The following RNLS variants were observed in gnomAD, a reference collection of about 807,000 sequenced individuals.
RNLS encodes renalase.
A neutral mutation model predicts 39.8 loss-of-function variants in RNLS; 39 were observed. The observed-to-expected ratio is 0.98, with a 90% CI of 0.76 to 1.28. The LOEUF is 1.28. RNLS is among the 50% of genes most tolerant of loss of function. The pLI is 0.00. For missense variants in RNLS, 410 were observed against 413.3 expected (o/e 0.99, Z 0.07); for synonymous variants, 147 against 150.7 (o/e 0.98, Z 0.18).
chr10:88,463,671 T>C lies in RNLS; in HGVS notation c.527-100946A>G, dbSNP rs187734022. Among the ~76,000 whole-genome samples the C allele has an allele frequency of 2.6e-3, 403 of 152,208 alleles. 1 individual carries two copies. The highest frequency in any genetic ancestry group is 8.7e-3 in the African/African-American group (362 of 41,564). Reference sequence around the variant, plus strand: ...CAGTTAATTGAGAGATTGCTACTCATTTCTAAGTTTATGTAGTAACTCAGG... The same window carrying C: ...CAGTTAATTGAGAGATTGCTACTCACTTCTAAGTTTATGTAGTAACTCAGG... On this transcript the variant is annotated intron_variant, in intron 4 of 6. Coordinates refer to ENST00000331772, the MANE Select transcript of RNLS (RefSeq NM_001031709.3).
chr10:88,497,810 G>C lies in RNLS; in HGVS notation c.526+75093C>G, dbSNP rs1453180948. 2.0e-5 allele frequency among the ~76,000 whole-genome samples: 3 copies of C among 151,968 alleles called. No individual in the cohort carries two copies. In the East Asian group the frequency reaches 5.8e-4, roughly 29 times the overall value. On this transcript the variant is annotated intron_variant, in intron 4 of 6. Transcript: ENST00000331772. ...CCTGTCCAAAGGGAAGGTGTGAGGA[G>C]GAAGAGACACAACAACACCTGGTCT...
chr10:88,174,092 T>C, the RNLS span, among the ~76,000 whole-genome samples: 1 of 152,196 alleles, frequency 6.6e-6, no homozygotes, highest in Admixed American at 6.5e-5. Context: ...TTTTTGTAAG[T>C]TGATTTTGTA....
At chr10:88,377,940 T>A (rs953452510) in intron 4 of RNLS, among the ~76,000 whole-genome samples, 3 of 152,166 alleles carry the variant, frequency 2.0e-5, no homozygotes, top group African/African-American at 7.2e-5. Context: ...AAATATTTTC[T>A]TTATATCCTT....
chr10:88,469,754 G>C (rs1306188583), intron 4 of RNLS, among the ~76,000 whole-genome samples: 1 of 151,050 alleles, frequency 6.6e-6, no homozygotes, highest in African/African-American at 2.4e-5. Context: ...GTTCTTAGAA[G>C]ACAAAAAATA....
intron 4 of RNLS, among the ~76,000 whole-genome samples, chr10:88,487,684 A>C (rs1354470806): frequency 6.6e-6 from 1 of 152,162 alleles, no homozygotes; most frequent in African/African-American, 2.4e-5. Context: ...ATTTCTTAAA[A>C]GTTTAAGCAT....
chr10:88,179,701 C>T, the RNLS span, among the ~76,000 whole-genome samples: 1 of 152,238 alleles, frequency 6.6e-6, no homozygotes, highest in African/African-American at 2.4e-5. Flanking sequence ...TACCCCAGGA[C>T]TTTGGCAGGA....
the RNLS span, among the ~76,000 whole-genome samples, chr10:88,263,892 T>C: frequency 5.9e-5 from 9 of 152,106 alleles, no homozygotes; most frequent in Admixed American, 5.2e-4. Context: ...TCTATAGTGG[T>C]GATTTCTGAG....
intron 5 of RNLS, among the ~76,000 whole-genome samples, chr10:88,337,434 T>C (rs566419243): frequency 6.6e-6 from 1 of 152,322 alleles, no homozygotes; most frequent in East Asian, 1.9e-4. Context: ...AACTAATCAG[T>C]TTATCCATCC....
rs560122119 is a variant in RNLS at position 88,379,825 on chromosome 10, A to T, written c.527-17100T>A. 2.0e-5 allele frequency among the ~76,000 whole-genome samples: 3 copies of T among 152,288 alleles called. No individual in the cohort carries two copies. In the South Asian group the frequency reaches 6.2e-4, roughly 32 times the overall value. ...ATCATGTTGTGAAGAATCTCAGGAC[A>T]TTTACAGAGGCTTCATAGGTTTCTG... On this transcript the variant is annotated intron_variant, in intron 4 of 6. Coordinates refer to ENST00000331772, the MANE Select transcript of RNLS (RefSeq NM_001031709.3).
In RNLS at chr10:88,329,002, T is replaced by A. The variant is rs184964495; in HGVS notation, c.701-14361A>T. Among the ~76,000 whole-genome samples the A allele has an allele frequency of 7.9e-4, 120 of 152,278 alleles. 1 individual carries two copies. In the South Asian group the frequency reaches 9.1e-3, roughly 12 times the overall value. ...TATATAATAATAAATTGAAAATATT[T>A]TTCTCAAGACTTTAAAGATATGATA... On this transcript the variant is annotated intron_variant, in intron 5 of 6. Transcript: ENST00000331772.
At chr10:88,506,520 G>A (rs1845803399) in intron 4 of RNLS, among the ~76,000 whole-genome samples, 1 of 150,144 alleles carries the variant, frequency 6.7e-6, no homozygotes, top group Non-Finnish European at 1.5e-5. Context: ...AAATGATTCA[G>A]GAAAAATAAA....
the RNLS span, among the ~76,000 whole-genome samples, chr10:88,247,024 G>A: frequency 6.6e-6 from 1 of 152,094 alleles, no homozygotes; most frequent in African/African-American, 2.4e-5. Context: ...TATGAATCAC[G>A]GTGAGATTAA....
At chr10:88,351,792 G>C (rs977370506) in intron 5 of RNLS, among the ~76,000 whole-genome samples, 2 of 152,098 alleles carry the variant, frequency 1.3e-5, no homozygotes, top group African/African-American at 4.8e-5. Context: ...AATTACCTTG[G>C]GCAGTATGGC....
At chr10:88,431,939 T>C (rs143311756) in intron 4 of RNLS, among the ~76,000 whole-genome samples, 378 of 151,930 alleles carry the variant, frequency 2.5e-3, no homozygotes, top group African/African-American at 8.5e-3. Flanking sequence ...GTGTATTCTG[T>C]CGTTGTTGAG....
chr10:88,531,461 G>A (rs1362923037), intron 4 of RNLS, among the ~76,000 whole-genome samples: 2 of 152,030 alleles, frequency 1.3e-5, no homozygotes. Context: ...ACTTAGTCTA[G>A]ATAAAAGCTT....
intron 4 of RNLS, among the ~76,000 whole-genome samples, chr10:88,405,541 C>T (rs1245801782): frequency 6.6e-6 from 1 of 151,958 alleles, no homozygotes; most frequent in Admixed American, 6.6e-5. Flanking sequence ...GGTGTCCTTT[C>T]GCATGAAATG....
intron 6 of RNLS, among the ~76,000 whole-genome samples, chr10:88,312,685 CAT>C (rs1448386005): frequency 2.6e-5 from 4 of 152,088 alleles, no homozygotes; most frequent in African/African-American, 4.8e-5. Flanking sequence ...GCTTTTAAAA[CAT>C]ATATATTTAA....
chr10:88,173,013 C>G, the RNLS span, among the ~76,000 whole-genome samples: 68,792 of 150,734 alleles, frequency 0.46, 16,249 homozygotes, highest in South Asian at 0.61. Context: ...CCCACCACCA[C>G]GCCCAGCCAA....
At chr10:88,560,444 C>T (rs1849106923) in intron 4 of RNLS, among the ~76,000 whole-genome samples, 1 of 152,138 alleles carries the variant, frequency 6.6e-6, no homozygotes, top group Admixed American at 6.6e-5. Context: ...CCCTGAGCCC[C>T]ACTACCCTGA....
Sources: gnomAD v4.1 joint callset for allele counts (sites outside exome capture counted in the v4.1 genomes callset) on GRCh38, gnomAD v4.1.1 for gene constraint, MANE v1.5 for transcripts, NCBI Gene and HGNC (gene_info 2026-07-23, HGNC 2026-07-21) for gene names.